The following STAC variants were observed in gnomAD, a reference collection of about 807,000 sequenced individuals.
STAC encodes the protein SH3 and cysteine-rich domain-containing protein.
In STAC, 43 loss-of-function variants were observed where a neutral mutation model predicts 48.8. The ratio of observed to expected loss-of-function variants is 0.88; its 90% CI spans 0.69 to 1.14. The LOEUF (loss-of-function observed/expected upper bound fraction) is 1.14. STAC is among the 50% of genes most tolerant of loss of function. STAC has a pLI of 0.00. For missense variants in STAC, 497 were observed against 504.0 expected (o/e 0.99, Z 0.13); for synonymous variants, 193 against 179.5 (o/e 1.07, Z -0.60).
At chr3:36,391,960 G>A (rs147085647) in intron 1 of STAC, among the ~76,000 whole-genome samples, 1 of 152,226 alleles carries the variant, frequency 6.6e-6, no homozygotes, top group East Asian at 1.9e-4. Context: ...CTGCTCCCTT[G>A]CCCTCCAAAC....
intron 1 of STAC, among the ~76,000 whole-genome samples, chr3:36,401,681 G>T (rs1470000479): frequency 2.6e-5 from 4 of 152,182 alleles, no homozygotes; most frequent in Non-Finnish European, 5.9e-5. Flanking sequence ...GGCAGAGCCA[G>T]ATATATAATT....
chr3:36,447,951 G>A (rs1559495232), intron 2 of STAC, among the ~76,000 whole-genome samples: 1 of 152,046 alleles, frequency 6.6e-6, no homozygotes, highest in African/African-American at 2.4e-5. Context: ...GGGCCATAGT[G>A]TGTTTCCATT....
At chr3:36,501,658 T>C (rs565581432) in intron 6 of STAC, among the ~76,000 whole-genome samples, 4 of 152,182 alleles carry the variant, frequency 2.6e-5, no homozygotes, top group South Asian at 2.1e-4. Context: ...ATATTTTAAA[T>C]TTTGCACAAT....
chr3:36,528,332 G>A (rs1233879055), intron 8 of STAC, among the ~76,000 whole-genome samples: 2 of 152,064 alleles, frequency 1.3e-5, no homozygotes, highest in East Asian at 3.9e-4. Flanking sequence ...ATCTGGGCAT[G>A]GTGGCAGATG....
chr3:36,468,021 T>C (rs900073793), intron 2 of STAC, among the ~76,000 whole-genome samples: 2 of 152,138 alleles, frequency 1.3e-5, no homozygotes, highest in African/African-American at 4.8e-5. Flanking sequence ...TTTTGCTGTA[T>C]CCCAGAGGTT....
chr3:36,529,449 T>C (rs1699014934), intron 10 of STAC, among the ~76,000 whole-genome samples: 1 of 152,198 alleles, frequency 6.6e-6, no homozygotes, highest in African/African-American at 2.4e-5. Context: ...TTCATATCAT[T>C]GCAAAAGACA....
At chr3:36,509,485 C>A (rs1395606506) in intron 8 of STAC, among the ~76,000 whole-genome samples, 2 of 152,002 alleles carry the variant, frequency 1.3e-5, no homozygotes, top group Non-Finnish European at 2.9e-5. Context: ...TGGATAATAC[C>A]CTGAAGAGTG....
intron 10 of STAC, among the ~76,000 whole-genome samples, chr3:36,533,475 GTTTTTTTT>G (rs58981589): frequency 9.1e-4 from 56 of 61,428 alleles, no homozygotes; most frequent in African/African-American, 2.4e-3. Flanking sequence ...TTGCTAGCAT[GTTTTTTTT>G]TTTTTTTTTT....
intron 8 of STAC, among the ~76,000 whole-genome samples, chr3:36,526,974 C>G (rs1417461486): frequency 6.6e-6 from 1 of 152,166 alleles, no homozygotes; most frequent in Non-Finnish European, 1.5e-5. Context: ...ATCTGCTATA[C>G]GTTCAAGTAT....
intron 10 of STAC, among the ~76,000 whole-genome samples, chr3:36,533,483 T>G (rs957586563): frequency 1.4e-5 from 2 of 143,416 alleles, no homozygotes; most frequent in Non-Finnish European, 1.5e-5. Flanking sequence ...ATGTTTTTTT[T>G]TTTTTTTTTT....
rs1699475560 is a variant in STAC, at chr3:36,547,544, T to G, written c.*1255T>G. The G allele has an allele frequency of 6.6e-6, 1 of 152,642 alleles. No homozygotes were observed. Among genetic ancestry groups the G allele is most frequent in the Non-Finnish European group, 1.5e-5 (1 of 68,040 alleles). 9.5% of individuals were successfully genotyped at this position (152,642 alleles called of 1,614,324 possible). On this transcript the variant is annotated 3_prime_UTR_variant, in exon 11 of 11. Coordinates refer to ENST00000273183, the MANE Select transcript of STAC (RefSeq NM_003149.3). ...TTCAAACTTCCATCCTATTAGTCAT[T>G]AACATGGTTAAACTTCAATTCACAA...
At chr3:36,447,826 G>T (rs1696553035) in intron 2 of STAC, among the ~76,000 whole-genome samples, 1 of 152,152 alleles carries the variant, frequency 6.6e-6, no homozygotes. Flanking sequence ...AATCTCTGAG[G>T]TTCTGTCCAT....
At chr3:36,388,010 T>C (rs1480209782) in intron 1 of STAC, among the ~76,000 whole-genome samples, 1 of 152,124 alleles carries the variant, frequency 6.6e-6, no homozygotes, top group African/African-American at 2.4e-5. Flanking sequence ...ATTTTCTGGG[T>C]TTTGTTGATC....
At chr3:36,398,456 G>T (rs548776312) in intron 1 of STAC, among the ~76,000 whole-genome samples, 1 of 125,740 alleles carries the variant, frequency 8.0e-6, no homozygotes, top group African/African-American at 3.0e-5. Context: ...AGGAAGGAAG[G>T]AAGGAAGGAA....
chr3:36,528,995 C>T lies in STAC; in HGVS notation c.1110+10C>T, dbSNP rs2125732581. ...ACTGAAAGAGAATCAGGTGAGTAAA[C>T]CACACAAACACATTCCAGATATGAG... On this transcript the variant is annotated intron_variant, in intron 10 of 10. Coordinates refer to ENST00000273183, the MANE Select transcript of STAC (RefSeq NM_003149.3). 1 of 1,593,364 alleles carries T rather than the reference C, an allele frequency of 6.3e-7. No homozygotes were observed. The highest frequency in any genetic ancestry group is 1.3e-5 in the African/African-American group (1 of 74,344).
intron 6 of STAC, among the ~76,000 whole-genome samples, chr3:36,497,387 T>C (rs1219894571): frequency 1.3e-5 from 2 of 152,140 alleles, no homozygotes; most frequent in African/African-American, 4.8e-5. Flanking sequence ...AGTTAATGCA[T>C]GGCTGAGCTG....
intron 1 of STAC, among the ~76,000 whole-genome samples, chr3:36,391,820 G>GC (rs1468098539): frequency 6.6e-6 from 1 of 152,126 alleles, no homozygotes; most frequent in African/African-American, 2.4e-5. Flanking sequence ...GTTTCTAATG[G>GC]CCCTCATAGC....
At chr3:36,484,202 G>T (rs74685626) in intron 3 of STAC, among the ~76,000 whole-genome samples, 2,636 of 152,220 alleles carry the variant, frequency 0.017, 21 homozygotes, top group Non-Finnish European at 0.021. Flanking sequence ...TGCTTCCAGG[G>T]TTAGTGAATG....
intron 5 of STAC, among the ~76,000 whole-genome samples, chr3:36,492,031 A>ATATATATAT (rs1553639881): frequency 6.1e-5 from 1 of 16,440 alleles, no homozygotes; most frequent in African/African-American, 1.9e-4. Context: ...AAAAAAAAAA[A>ATATATATAT]ATATATATAT....
Sources: gnomAD v4.1 joint callset for allele counts (sites outside exome capture counted in the v4.1 genomes callset) on GRCh38, gnomAD v4.1.1 for gene constraint, MANE v1.5 for transcripts, NCBI Gene and HGNC (gene_info 2026-07-23, HGNC 2026-07-21) for gene names.